EGFLAM: variants seen among roughly 807,000 people sequenced by gnomAD.
EGFLAM encodes the protein pikachurin.
In EGFLAM, 79 loss-of-function variants were observed where a neutral mutation model predicts 113.1. That is an observed-to-expected ratio of 0.70 (90% CI 0.58 to 0.84). The LOEUF is 0.84. Ranked by LOEUF, EGFLAM falls within the 40% of genes least tolerant of loss-of-function variation. The probability of loss-of-function intolerance (pLI) is 0.00; values close to 1 mark genes in which losing one functional copy is unlikely to be tolerated. For synonymous variants in EGFLAM, 504 were observed against 487.6 expected (o/e 1.03, Z -0.44); for missense variants, 1,265 against 1,291.6 (o/e 0.98, Z 0.32).
Position 38,258,782 on chromosome 5 carries a change from C to T in EGFLAM, c.28C>T (p.Arg10Trp), listed in dbSNP as rs1173663031. The change falls in exon 1 of 22, where the codon CGG becomes TGG. Residue 10 changes from arginine to tryptophan, a missense_variant. Arg to Trp is a moderately radical substitution (Grantham distance 101, BLOSUM62 -3). Transcript: ENST00000322350. The part of the protein sequence containing the change: MDLIRGVLL[R>W]LLLLASSLGP... ...GGATTTAATCCGAGGCGTCTTGCTC[C>T]GGCTCCTGCTCCTGGCTTCCAGCCT... 2 of 1,612,022 alleles carry T rather than the reference C, an allele frequency of 1.2e-6. No individual in the cohort carries two copies. The highest frequency in any genetic ancestry group is 1.7e-6 in the Non-Finnish European group (2 of 1,179,416).
At chr5:38,330,473 C>T (rs150605844) in intron 1 of EGFLAM, among the ~76,000 whole-genome samples, 271 of 152,320 alleles carry the variant, frequency 1.8e-3, no homozygotes, top group African/African-American at 6.2e-3. Flanking sequence ...AGCATTCTCT[C>T]ATTCATTCTC....
At chr5:38,290,215 T>G (rs534912610) in intron 1 of EGFLAM, among the ~76,000 whole-genome samples, 2 of 152,192 alleles carry the variant, frequency 1.3e-5, no homozygotes, top group Non-Finnish European at 2.9e-5. Flanking sequence ...GCAGACCCTC[T>G]GAGAGCCTGT....
intron 12 of EGFLAM, among the ~76,000 whole-genome samples, chr5:38,422,233 T>A (rs530334040): frequency 4.6e-5 from 7 of 152,170 alleles, no homozygotes; most frequent in African/African-American, 1.7e-4. Context: ...ACAACTGGCC[T>A]ATGGTAGGCG....
intron 1 of EGFLAM, among the ~76,000 whole-genome samples, chr5:38,286,759 C>T (rs1160307411): frequency 2.0e-5 from 3 of 152,226 alleles, no homozygotes; most frequent in Admixed American, 1.3e-4. Flanking sequence ...GCCATCGGCA[C>T]CATCTTGCTA....
chr5:38,313,783 CTG>C (rs2111869262), intron 1 of EGFLAM, among the ~76,000 whole-genome samples: 1 of 152,128 alleles, frequency 6.6e-6, no homozygotes, highest in Non-Finnish European at 1.5e-5. Context: ...GAATGTTTTT[CTG>C]TGTTTTTAAA....
chr5:38,384,112 C>T (rs1740593549), intron 6 of EGFLAM, among the ~76,000 whole-genome samples: 1 of 151,938 alleles, frequency 6.6e-6, no homozygotes. Flanking sequence ...TGGTGGAGCT[C>T]ACTGGAGAGG....
chr5:38,392,847 C>T (rs796378528), intron 6 of EGFLAM, among the ~76,000 whole-genome samples: 15 of 152,266 alleles, frequency 9.9e-5, no homozygotes, highest in African/African-American at 3.6e-4. Flanking sequence ...CCCTACCCCA[C>T]GACAGGCCCC....
intron 3 of EGFLAM, chr5:38,346,445 A>G (rs928845089): frequency 1.3e-5 from 2 of 152,222 alleles, no homozygotes; most frequent in African/African-American, 4.8e-5. Flanking sequence ...TGAACTTTTC[A>G]GGGCTTAGGT....
chr5:38,405,224 G>A (rs1450756042), intron 6 of EGFLAM, among the ~76,000 whole-genome samples: 1 of 151,852 alleles, frequency 6.6e-6, no homozygotes, highest in East Asian at 1.9e-4. Context: ...ATATTTACAG[G>A]TACCCAGCAC....
At chr5:38,391,422 G>C (rs918843759) in intron 6 of EGFLAM, among the ~76,000 whole-genome samples, 4 of 150,488 alleles carry the variant, frequency 2.7e-5, no homozygotes, top group African/African-American at 9.9e-5. Context: ...GTGTGTGATG[G>C]AGTCTCACTC....
At chr5:38,391,183 A>AT (rs1011275582) in intron 6 of EGFLAM, among the ~76,000 whole-genome samples, 5 of 151,966 alleles carry the variant, frequency 3.3e-5, no homozygotes, top group Admixed American at 6.6e-5. Flanking sequence ...TACTTTAATA[A>AT]TTTTTTTCCC....
chr5:38,311,308 C>T (rs1197392722), intron 1 of EGFLAM, among the ~76,000 whole-genome samples: 1 of 152,102 alleles, frequency 6.6e-6, no homozygotes, highest in East Asian at 1.9e-4. Flanking sequence ...ACTTACTCCT[C>T]TTGTCTAACT....
In EGFLAM at chr5:38,337,595, C is replaced by T. The variant is rs1739222059; in HGVS notation, c.173C>T (p.Pro58Leu). ...GCTTTCAGCATCCAGTGGAAAATGC[C>T]AAGGCATCCTGGAAGTCCCATCCTT... ...CTAFSIQWKM[P>L]RHPGSPILGY... Residue 58 changes from proline (P) to leucine (L), a missense_variant, in exon 2 of 22, where the codon CCA becomes CTA. By Grantham distance (98) the Pro-to-Leu change is moderately conservative. Transcript: ENST00000322350. 2 of 1,605,326 alleles carry T rather than the reference C, an allele frequency of 1.2e-6. No homozygotes were observed. The highest frequency in any genetic ancestry group is 2.7e-5 in the African/African-American group (2 of 74,756).
chr5:38,291,992 T>TGG (rs1758348163), intron 1 of EGFLAM, among the ~76,000 whole-genome samples: 1 of 152,198 alleles, frequency 6.6e-6, no homozygotes, highest in Non-Finnish European at 1.5e-5. Context: ...TTCTGGGTTT[T>TGG]GCAACCTGTG....
In EGFLAM at chr5:38,465,347, C is replaced by T. The variant is rs933734165; in HGVS notation, c.*1361C>T. Among the ~76,000 whole-genome samples the T allele has an allele frequency of 6.6e-6, 1 of 152,204 alleles. No individual in the cohort carries two copies. Among genetic ancestry groups the T allele is most frequent in the Non-Finnish European group, 1.5e-5 (1 of 68,042 alleles). Reference sequence around the variant, plus strand: ...AATATGATCTAACTTATGCAAGAGCCTATAATTAGTCCCAGTCTCGACTCT... The same window carrying T: ...AATATGATCTAACTTATGCAAGAGCTTATAATTAGTCCCAGTCTCGACTCT... On this transcript the variant is annotated 3_prime_UTR_variant, in exon 22 of 22. Coordinates refer to ENST00000322350, the MANE Select transcript of EGFLAM (RefSeq NM_152403.4).
chr5:38,298,656 G>A (rs529586737), intron 1 of EGFLAM, among the ~76,000 whole-genome samples: 2 of 152,262 alleles, frequency 1.3e-5, no homozygotes, highest in East Asian at 3.9e-4. Flanking sequence ...AGCTAAGATT[G>A]TGGAATGTTT....
chr5:38,435,363 GT>G, intron 16 of EGFLAM, 110 bp downstream of exon 16: 1 of 849,572 alleles, frequency 1.2e-6, no homozygotes, highest in Non-Finnish European at 1.9e-6. Flanking sequence ...CTTTGAGAAA[GT>G]TTTAACATTT....
intron 6 of EGFLAM, among the ~76,000 whole-genome samples, chr5:38,377,808 G>C (rs775225432): frequency 3.3e-5 from 5 of 152,196 alleles, no homozygotes; most frequent in African/African-American, 4.8e-5. Flanking sequence ...CTGTAAGGAT[G>C]AGATTCTAAT....
chr5:38,274,629 G>C (rs141814889), intron 1 of EGFLAM, among the ~76,000 whole-genome samples: 2 of 152,216 alleles, frequency 1.3e-5, no homozygotes, highest in African/African-American at 4.8e-5. Context: ...ATGAAGGATA[G>C]ATAAAGACTT....
Sources: gnomAD v4.1 joint callset for allele counts (sites outside exome capture counted in the v4.1 genomes callset) on GRCh38, gnomAD v4.1.1 for gene constraint, MANE v1.5 for transcripts, NCBI Gene and HGNC (gene_info 2026-07-23, HGNC 2026-07-21) for gene names.